Variants in TNNI3K observed in about 807,000 individuals in gnomAD.
The protein encoded by TNNI3K is TNNI3 interacting kinase.
A neutral mutation model predicts 114.5 loss-of-function variants in TNNI3K; 140 were observed. The ratio of observed to expected loss-of-function variants is 1.22; its 90% CI spans 1.07 to 1.41. The LOEUF is 1.41. Ranked by LOEUF, TNNI3K falls within the 40% of genes most tolerant of loss-of-function variation. The pLI is 0.00. For synonymous variants in TNNI3K, 347 were observed against 347.5 expected, an observed-to-expected ratio of 1.00 and a Z score of 0.02; for missense variants, 1,125 against 1,007.6, an observed-to-expected ratio of 1.12 and a Z score of -1.58.
intron 20 of TNNI3K, among the ~76,000 whole-genome samples, chr1:74,453,625 A>G (rs1054724793): frequency 6.6e-6 from 1 of 152,198 alleles, no homozygotes; most frequent in Non-Finnish European, 1.5e-5. Context: ...ATAGGGATAC[A>G]TTCAGAAAAG....
chr1:74,347,133 A>G (rs1322772477), intron 9 of TNNI3K, among the ~76,000 whole-genome samples: 3 of 139,056 alleles, frequency 2.2e-5, no homozygotes, highest in East Asian at 4.6e-4. Context: ...TATATCTCCT[A>G]ATGCTATCCC....
chr1:74,480,993 G>A (rs1668473068), intron 21 of TNNI3K: 1 of 691,020 alleles, frequency 1.4e-6, no homozygotes, highest in South Asian at 1.6e-5. Context: ...GCACAGACTA[G>A]ATGCAGGGTA....
intron 5 of TNNI3K, among the ~76,000 whole-genome samples, chr1:74,311,645 G>A (rs1001492212): frequency 6.6e-6 from 1 of 152,134 alleles, no homozygotes; most frequent in African/African-American, 2.4e-5. Context: ...CTTAGGAAAT[G>A]TCTGTTATCT....
At chr1:74,386,645 C>A (rs1663495630) in intron 17 of TNNI3K, among the ~76,000 whole-genome samples, 1 of 152,122 alleles carries the variant, frequency 6.6e-6, no homozygotes. Context: ...ATAGTCTCAA[C>A]AAGTGAAAAT....
At chr1:74,247,037 A>G (rs1654605921) in intron 2 of TNNI3K, among the ~76,000 whole-genome samples, 4 of 152,214 alleles carry the variant, frequency 2.6e-5, no homozygotes, top group Admixed American at 2.0e-4. Flanking sequence ...GACAATATGC[A>G]TGACTTTGTC....
intron 23 of TNNI3K, among the ~76,000 whole-genome samples, chr1:74,508,689 C>A (rs868568031): frequency 4.6e-5 from 7 of 152,132 alleles, no homozygotes; most frequent in Non-Finnish European, 8.8e-5. Context: ...GAGCCCAACC[C>A]GGGGCATATG....
At chr1:74,347,533 G>C (rs1330100369) in intron 9 of TNNI3K, among the ~76,000 whole-genome samples, 2 of 152,112 alleles carry the variant, frequency 1.3e-5, no homozygotes, top group African/African-American at 4.8e-5. Context: ...GGATGGCTGG[G>C]TCAAATGGTA....
chr1:74,253,396 G>T (rs974971355), intron 4 of TNNI3K, among the ~76,000 whole-genome samples: 1 of 152,108 alleles, frequency 6.6e-6, no homozygotes, highest in East Asian at 1.9e-4. Flanking sequence ...GGGGCAGCAC[G>T]CTTTGGGTAA....
chr1:74,336,141 A>G lies in TNNI3K; in HGVS notation c.674A>G (p.Lys225Arg), dbSNP rs199917974. ...IAKLLMEEGS[K>R]ADVNAQDNED... ...AAACTCTTGATGGAAGAAGGCAGCAAAGCAGATGGTAAGATTATATATTTA... is the reference window on the plus strand; with the variant it reads ...AAACTCTTGATGGAAGAAGGCAGCAGAGCAGATGGTAAGATTATATATTTA... The change falls in exon 7 of 25, where the codon AAA (lysine) becomes AGA (arginine). Residue 225 changes from lysine to arginine, a missense_variant. Physicochemically the swap from Lys to Arg is conservative, Grantham distance 26. Coordinates refer to ENST00000326637, the MANE Select transcript of TNNI3K (RefSeq NM_015978.3). 1 of 1,601,334 alleles carries G rather than the reference A, an allele frequency of 6.2e-7. No individual in the cohort carries two copies. Among genetic ancestry groups the G allele is most frequent in the Non-Finnish European group, 8.5e-7 (1 of 1,176,578 alleles).
chr1:74,349,973 C>A (rs764266640), intron 9 of TNNI3K, among the ~76,000 whole-genome samples: 1 of 152,172 alleles, frequency 6.6e-6, no homozygotes, highest in Non-Finnish European at 1.5e-5. Flanking sequence ...CCATTTCCTG[C>A]AGTTCTGCTC....
Position 74,378,594 on chromosome 1 carries a change from T to TTATATA in TNNI3K, c.1772+8244_1772+8249dup, listed in dbSNP as rs58113455. The TTATATA allele has an allele frequency of 4.2e-3, 325 of 77,786 alleles. 5 individuals carry two copies. Among genetic ancestry groups the TTATATA allele is most frequent in the Non-Finnish European group, 5.8e-3 (223 of 38,272 alleles). 4.8% of individuals were successfully genotyped at this position (77,786 alleles called of 1,614,324 possible). Reference sequence around the variant, plus strand: ...TTTTGTTGTTGTTGTCAGTTTAATTTTATATATATATATATATATATATAT... The same window carrying TTATATA: ...TTTTGTTGTTGTTGTCAGTTTAATTTTATATATATATATATATATATATATATATAT... On this transcript the variant is annotated intron_variant, in intron 17 of 24. Coordinates refer to ENST00000326637, the MANE Select transcript of TNNI3K (RefSeq NM_015978.3).
At chr1:74,531,205 G>C (rs1368230150) in intron 23 of TNNI3K, among the ~76,000 whole-genome samples, 1 of 152,156 alleles carries the variant, frequency 6.6e-6, no homozygotes, top group African/African-American at 2.4e-5. Flanking sequence ...AAATGCTTTG[G>C]CACTTGCCCA....
chr1:74,466,217 C>T (rs984910290), intron 21 of TNNI3K, among the ~76,000 whole-genome samples: 3 of 152,140 alleles, frequency 2.0e-5, no homozygotes, highest in East Asian at 1.9e-4. Flanking sequence ...TTGAAGTCAG[C>T]GAGACCAAGA....
At chr1:74,532,049 A>T (rs560876852) in intron 23 of TNNI3K, among the ~76,000 whole-genome samples, 15 of 152,302 alleles carry the variant, frequency 9.8e-5, no homozygotes, top group South Asian at 8.3e-4. Context: ...CTTTAATCAC[A>T]CTGATAACCT....
chr1:74,330,771 A>G (rs1660161076), intron 5 of TNNI3K, among the ~76,000 whole-genome samples: 1 of 152,154 alleles, frequency 6.6e-6, no homozygotes, highest in Admixed American at 6.5e-5. Flanking sequence ...CAATTGGCCA[A>G]CAGTTCCTGG....
At chr1:74,447,307 T>C (rs1197673306) in intron 20 of TNNI3K, among the ~76,000 whole-genome samples, 1 of 150,040 alleles carries the variant, frequency 6.7e-6, no homozygotes. Flanking sequence ...GAAGCAATTG[T>C]GAATGGGAGT....
chr1:74,425,091 T>C (rs1665571450), intron 17 of TNNI3K, among the ~76,000 whole-genome samples: 2 of 152,080 alleles, frequency 1.3e-5, no homozygotes, highest in East Asian at 3.9e-4. Context: ...ACGAGGAAAA[T>C]GTTGGTCAGG....
chr1:74,460,089 T>C (rs995585976), intron 20 of TNNI3K, among the ~76,000 whole-genome samples: 1 of 152,122 alleles, frequency 6.6e-6, no homozygotes, highest in Non-Finnish European at 1.5e-5. Flanking sequence ...CTTTTTTTTT[T>C]TTTTGAGACG....
intron 21 of TNNI3K, among the ~76,000 whole-genome samples, chr1:74,474,490 T>C (rs533141120): frequency 2.6e-5 from 4 of 152,222 alleles, no homozygotes; most frequent in Admixed American, 2.6e-4. Flanking sequence ...CAGACCCCTG[T>C]GGTAAGAATT....
Sources: allele counts gnomAD v4.1 joint callset (sites outside exome capture counted in the v4.1 genomes callset), GRCh38; gene constraint gnomAD v4.1.1; transcripts MANE v1.5; gene names NCBI Gene and HGNC (gene_info 2026-07-23, HGNC 2026-07-21).